The following ALPK2 variants were observed in gnomAD, a reference collection of about 807,000 sequenced individuals.
ALPK2 encodes alpha kinase 2.
ALPK2 carries 127 observed loss-of-function variants against 163.1 expected under a neutral mutation model. That is an observed-to-expected ratio of 0.78 (90% CI 0.67 to 0.90). ALPK2 has a LOEUF of 0.90. Ranked by LOEUF, ALPK2 falls within the 40% of genes least tolerant of loss-of-function variation. The probability of loss-of-function intolerance (pLI) is 0.00; values close to 1 mark genes in which losing one functional copy is unlikely to be tolerated. For missense variants in ALPK2, 2,360 were observed against 2,589.6 expected, an observed-to-expected ratio of 0.91 and a Z score of 1.92; for synonymous variants, 953 against 959.1, an observed-to-expected ratio of 0.99 and a Z score of 0.12.
chr18:58,591,149 G>A lies in ALPK2; in HGVS notation c.228-10601C>T, dbSNP rs532014827. ...TGTCTCTGCTGCCCAGGAGATAGTG[G>A]CTCTGAGTGACCTCACTGTTCCCTG... On this transcript the variant is annotated intron_variant, in intron 3 of 12. Transcript: ENST00000361673. Among the ~76,000 whole-genome samples the A allele has an allele frequency of 4.3e-4, 65 of 152,308 alleles. 1 individual carries two copies. The highest frequency in any genetic ancestry group is 1.5e-3 in the African/African-American group (64 of 41,558).
rs925197214 is a variant in ALPK2 at position 58,519,657 on chromosome 18, GA to G, written c.5666-2476del. ...ATTTGACAAAGATAAAAACATGAAAGAAAAAAAAAATCTTAGACGTATTCTT... is the reference window on the plus strand; with the variant it reads ...ATTTGACAAAGATAAAAACATGAAAGAAAAAAAAATCTTAGACGTATTCTT... On this transcript the variant is annotated intron_variant, in intron 8 of 12. Coordinates refer to ENST00000361673, the MANE Select transcript of ALPK2 (RefSeq NM_052947.4). 6.0e-5 allele frequency among the ~76,000 whole-genome samples: 9 copies of G among 149,380 alleles called. No individual in the cohort carries two copies. The South Asian group carries it at 1.1e-3, about 18-fold the overall frequency.
rs2095149794 is a variant in ALPK2, at chr18:58,487,138, A to T, written c.6297-5099T>A. On this transcript the variant is annotated intron_variant, in intron 12 of 12. Transcript: ENST00000361673. ...GTCACGTCCTTCCCAGAACCTCAGA[A>T]TGTGACCTTATTTGGAAATCACATC... 2.0e-5 allele frequency among the ~76,000 whole-genome samples: 3 copies of T among 151,814 alleles called. No homozygotes were observed. The South Asian group carries it at 6.3e-4, about 32-fold the overall frequency.
chr18:58,579,492 C>A lies in ALPK2; in HGVS notation c.1284G>T (p.Gly428=). ...SKHGPSSPQT[G]MTLILGPHQD... is the part of the protein sequence containing the mutation. Reference sequence around the variant, plus strand: ...GGTGAGGTCCCAAAATGAGAGTCATCCCTGTTTGTGGGGATGAGGGACCGT... The same window carrying A: ...GGTGAGGTCCCAAAATGAGAGTCATACCTGTTTGTGGGGATGAGGGACCGT... Residue 428 remains glycine, a synonymous_variant, in exon 4 of 13, where the codon GGG becomes GGT. Coordinates refer to ENST00000361673, the MANE Select transcript of ALPK2 (RefSeq NM_052947.4). 6.2e-7 allele frequency: 1 copy of A among 1,614,082 alleles called. No homozygotes were observed. The highest frequency in any genetic ancestry group is 8.5e-7 in the Non-Finnish European group (1 of 1,180,022).
chr18:58,488,710 G>A (rs1387383497), intron 12 of ALPK2, among the ~76,000 whole-genome samples: 1 of 151,868 alleles, frequency 6.6e-6, no homozygotes, highest in African/African-American at 2.4e-5. Context: ...TAACGCATAG[G>A]GAAAGGCTAC....
chr18:58,484,364 A>G (rs1036256682), intron 12 of ALPK2, among the ~76,000 whole-genome samples: 2 of 152,192 alleles, frequency 1.3e-5, no homozygotes, highest in African/African-American at 4.8e-5. Context: ...TGTCCAGTGA[A>G]GAAGACAGAT....
At chr18:58,507,217 A>G (rs1017265485) in intron 10 of ALPK2, among the ~76,000 whole-genome samples, 29 of 152,210 alleles carry the variant, frequency 1.9e-4, no homozygotes, top group African/African-American at 6.3e-4. Context: ...CAGAAGATCG[A>G]CTTCTGGGAG....
chr18:58,491,039 C>CCTAA (rs2051372242), intron 12 of ALPK2, among the ~76,000 whole-genome samples: 1 of 152,210 alleles, frequency 6.6e-6, no homozygotes, highest in Non-Finnish European at 1.5e-5. Flanking sequence ...GCCTGAGATT[C>CCTAA]GCCCACTGTC....
At chr18:58,599,755 C>A (rs1009520357) in intron 3 of ALPK2, among the ~76,000 whole-genome samples, 1 of 152,146 alleles carries the variant, frequency 6.6e-6, no homozygotes, top group African/African-American at 2.4e-5. Flanking sequence ...ATTCAAAATT[C>A]TTTGCATGTG....
At chr18:58,541,300 C>T (rs1044964930) in intron 4 of ALPK2, among the ~76,000 whole-genome samples, 15 of 152,196 alleles carry the variant, frequency 9.9e-5, no homozygotes, top group African/African-American at 3.4e-4. Context: ...GGGGGAGGTG[C>T]CGCACACTTT....
chr18:58,523,917 T>C lies in ALPK2; in HGVS notation c.5629+18A>G, dbSNP rs2051570114. ...ACGGGCAGGGGCCAGTGGTTTTTCA[T>C]TGAAAACTGTGGTTTACCTTCAGCT... On this transcript the variant is annotated intron_variant, in intron 7 of 12. Transcript: ENST00000361673. The C allele has an allele frequency of 3.1e-6, 5 of 1,613,888 alleles. No homozygotes were observed. The South Asian group carries it at 3.3e-5, about 11-fold the overall frequency.
At chr18:58,624,226 T>C (rs184452761) in intron 1 of ALPK2, among the ~76,000 whole-genome samples, 1 of 152,284 alleles carries the variant, frequency 6.6e-6, no homozygotes, top group African/African-American at 2.4e-5. Flanking sequence ...GCTTAGGTTG[T>C]TCACTCCGTC....
At chr18:58,547,924 T>C (rs2037652193) in intron 4 of ALPK2, among the ~76,000 whole-genome samples, 3 of 152,350 alleles carry the variant, frequency 2.0e-5, no homozygotes, top group Admixed American at 2.0e-4. Flanking sequence ...AGTCAGGTTC[T>C]AGGAGAGTAT....
At chr18:58,492,591 T>C (rs1430748832) in intron 12 of ALPK2, among the ~76,000 whole-genome samples, 2 of 152,232 alleles carry the variant, frequency 1.3e-5, no homozygotes, top group Non-Finnish European at 2.9e-5. Context: ...GCCACCAGTC[T>C]GTCCTGCAGG....
intron 1 of ALPK2, among the ~76,000 whole-genome samples, chr18:58,621,536 G>A (rs1438768017): frequency 6.6e-6 from 1 of 152,188 alleles, no homozygotes; most frequent in Non-Finnish European, 1.5e-5. Context: ...CTCCCAAAGT[G>A]CTGGGATTAC....
chr18:58,582,637 C>T (rs28410829), intron 3 of ALPK2, among the ~76,000 whole-genome samples: 25,491 of 151,540 alleles, frequency 0.17, 2,437 homozygotes, highest in African/African-American at 0.26. Context: ...ATGGCTGGGG[C>T]ACATCCTCAA....
At chr18:58,560,008 G>A (rs1219264563) in intron 4 of ALPK2, among the ~76,000 whole-genome samples, 2 of 152,150 alleles carry the variant, frequency 1.3e-5, no homozygotes, top group Non-Finnish European at 2.9e-5. Context: ...TACAATTAAG[G>A]TGTCAGGAGG....
intron 1 of ALPK2, among the ~76,000 whole-genome samples, chr18:58,620,016 C>T (rs1016642176): frequency 2.6e-5 from 4 of 152,148 alleles, no homozygotes; most frequent in African/African-American, 4.8e-5. Context: ...TACGGTGGGG[C>T]GCGGTGGCTC....
At chr18:58,518,929 A>C (rs1481246598) in intron 8 of ALPK2, among the ~76,000 whole-genome samples, 1 of 152,190 alleles carries the variant, frequency 6.6e-6, no homozygotes, top group African/African-American at 2.4e-5. Flanking sequence ...TCCCATGTAT[A>C]TATGAATTAT....
intron 3 of ALPK2, among the ~76,000 whole-genome samples, chr18:58,585,225 T>C (rs895497853): frequency 2.6e-5 from 4 of 152,274 alleles, no homozygotes; most frequent in African/African-American, 7.2e-5. Context: ...AAAGAACTTT[T>C]GTTTATATGG....
Sources: allele counts gnomAD v4.1 joint callset (sites outside exome capture counted in the v4.1 genomes callset), GRCh38; gene constraint gnomAD v4.1.1; transcripts MANE v1.5; gene names NCBI Gene and HGNC (gene_info 2026-07-23, HGNC 2026-07-21).